Variants in MSI2 observed in about 807,000 individuals in gnomAD.
The protein encoded by MSI2 is musashi RNA binding protein 2, also known as RNA-binding protein Musashi homolog 2.
Under a neutral mutation model 45.6 loss-of-function variants are expected in MSI2, and 17 were observed. The ratio of observed to expected loss-of-function variants is 0.37; its 90% confidence interval spans 0.26 to 0.56. The LOEUF (loss-of-function observed/expected upper bound fraction) is 0.56, where lower values mean the gene tolerates loss of function less well. MSI2 is among the 20% of genes least tolerant of loss of function. The probability of loss-of-function intolerance (pLI) is 0.77; values close to 1 mark genes in which losing one functional copy is unlikely to be tolerated. For synonymous variants in MSI2, 156 were observed against 158.2 expected (o/e 0.99, Z 0.11); for missense variants, 293 against 444.2 (o/e 0.66, Z 3.06).
chr17:57,489,735 T>C (rs1289726531), intron 6 of MSI2, among the ~76,000 whole-genome samples: 1 of 152,196 alleles, frequency 6.6e-6, no homozygotes, highest in Non-Finnish European at 1.5e-5. Flanking sequence ...ATTAGCCCAC[T>C]GTGTGCTGGG....
chr17:57,326,206 T>A (rs1232767245), intron 5 of MSI2, among the ~76,000 whole-genome samples: 1 of 146,860 alleles, frequency 6.8e-6, no homozygotes, highest in East Asian at 2.0e-4. Flanking sequence ...AAAGCCAAAC[T>A]TTTTTTTTTT....
At chr17:57,444,803 CG>C in intron 6 of MSI2, 2 of 152,292 alleles carry the variant, frequency 1.3e-5, no homozygotes, top group Non-Finnish European at 2.9e-5. Flanking sequence ...CCGGGGTTGG[CG>C]GGGGGTGGGG....
chr17:57,492,533 G>A (rs773160752), intron 6 of MSI2, among the ~76,000 whole-genome samples: 1 of 152,168 alleles, frequency 6.6e-6, no homozygotes, highest in African/African-American at 2.4e-5. Context: ...GAGTACATGG[G>A]GCCTCTTTCC....
intron 5 of MSI2, chr17:57,264,697 G>A (rs1290248609): frequency 1.3e-5 from 2 of 152,248 alleles, no homozygotes; most frequent in South Asian, 2.1e-4. Context: ...TGTAAATGAG[G>A]AAACGGAGGC....
At chr17:57,679,081 G>A (rs1913437625) in intron 13 of MSI2, among the ~76,000 whole-genome samples, 1 of 152,138 alleles carries the variant, frequency 6.6e-6, no homozygotes, top group Non-Finnish European at 1.5e-5. Flanking sequence ...GTGTAAGTTT[G>A]CATTTAAAAG....
intron 5 of MSI2, among the ~76,000 whole-genome samples, chr17:57,381,685 T>C (rs1029805590): frequency 1.3e-5 from 2 of 152,238 alleles, no homozygotes; most frequent in Non-Finnish European, 2.9e-5. Context: ...GACCATGAAC[T>C]GAATTGCTAA....
At chr17:57,502,186 C>T (rs1598340271) in intron 6 of MSI2, among the ~76,000 whole-genome samples, 1 of 152,144 alleles carries the variant, frequency 6.6e-6, no homozygotes, top group Non-Finnish European at 1.5e-5. Flanking sequence ...CTAAGAATCA[C>T]GTTAACATTT....
In MSI2 at chr17:57,596,688, G is replaced by A. The variant is rs1598433722; in HGVS notation, c.455-180G>A. Among the ~76,000 whole-genome samples the A allele has an allele frequency of 6.6e-6, 1 of 152,188 alleles. No homozygotes were observed. Among genetic ancestry groups the A allele is most frequent in the Non-Finnish European group, 1.5e-5 (1 of 68,034 alleles). On this transcript the variant is annotated intron_variant, in intron 7 of 13. Coordinates refer to ENST00000284073, the MANE Select transcript of MSI2 (RefSeq NM_138962.4). The surrounding 1 kb of genome is among the most constrained non-coding windows in gnomAD (Gnocchi z 4.6). ...ATTAACTTTTCCTCGCTGTCGGAAG[G>A]GTGCTCAGTACAAATTAGAAATCAT...
the MSI2 span, among the ~76,000 whole-genome samples, chr17:57,698,923 GTGT>G: frequency 6.6e-6 from 1 of 150,592 alleles, no homozygotes; most frequent in Admixed American, 6.6e-5. Context: ...GTGTGTGTGT[GTGT>G]GTGTGTGTGT....
At chr17:57,653,328 T>A (rs1309011204) in intron 11 of MSI2, among the ~76,000 whole-genome samples, 1 of 151,856 alleles carries the variant, frequency 6.6e-6, no homozygotes, top group Admixed American at 6.6e-5. Context: ...GGCTAGGGAG[T>A]TCTCAGGGGT....
intron 7 of MSI2, among the ~76,000 whole-genome samples, chr17:57,586,725 C>A (rs376418522): frequency 6.6e-6 from 1 of 151,942 alleles, no homozygotes; most frequent in African/African-American, 2.4e-5. Context: ...TTAAAGACAG[C>A]GTTATTGAGG....
intron 6 of MSI2, among the ~76,000 whole-genome samples, chr17:57,496,962 G>A (rs1944432487): frequency 6.6e-6 from 1 of 152,148 alleles, no homozygotes; most frequent in African/African-American, 2.4e-5. Context: ...AATGGCCAAA[G>A]TGTTTCTATT....
At chr17:57,272,357 GGCCAACATCACAGA>G (rs1908451178) in intron 5 of MSI2, among the ~76,000 whole-genome samples, 1 of 152,152 alleles carries the variant, frequency 6.6e-6, no homozygotes. Context: ...CGGCGTGTCA[GGCCAACATCACAGA>G]GCTGGGCACT....
At chr17:57,550,628 C>A (rs1177164451) in intron 7 of MSI2, among the ~76,000 whole-genome samples, 1 of 152,140 alleles carries the variant, frequency 6.6e-6, no homozygotes, top group Non-Finnish European at 1.5e-5. Flanking sequence ...AGCAAAAATC[C>A]AAACGAGCTC....
intron 5 of MSI2, among the ~76,000 whole-genome samples, chr17:57,361,938 C>T (rs1268037669): frequency 6.6e-6 from 1 of 152,148 alleles, no homozygotes; most frequent in Non-Finnish European, 1.5e-5. Context: ...AAATGGAATT[C>T]CATTTTCTTA....
Position 57,596,766 on chromosome 17 carries a change from G to A in MSI2, c.455-102G>A. On this transcript the variant is annotated intron_variant, in intron 7 of 13. Transcript: ENST00000284073. The surrounding 1 kb of genome is among the most constrained non-coding windows in gnomAD (Gnocchi z 4.6). ...GATCCGCCTACCTACCCCCAGACCA[G>A]GAGGCTGTCAAGACCTCAGGACGTC... 2.6e-6 allele frequency: 2 copies of A among 769,100 alleles called. No individual in the cohort carries two copies. Among genetic ancestry groups the A allele is most frequent in the Non-Finnish European group, 4.6e-6 (2 of 434,888 alleles). The allele number at this position is 769,100 out of a possible 1,614,324, so 47.6% of individuals were successfully genotyped here. A position where few individuals can be genotyped will look rare whatever the true frequency, so the allele number is the denominator to read the frequency against.
chr17:57,700,398 A>T, the MSI2 span, among the ~76,000 whole-genome samples: 1 of 152,228 alleles, frequency 6.6e-6, no homozygotes, highest in Non-Finnish European at 1.5e-5. Flanking sequence ...AATCAGAGTC[A>T]TGGTCATGAA....
At chr17:57,458,808 G>T (rs1463010043) in intron 6 of MSI2, among the ~76,000 whole-genome samples, 1 of 152,220 alleles carries the variant, frequency 6.6e-6, no homozygotes, top group Non-Finnish European at 1.5e-5. Flanking sequence ...ACACAGGCTT[G>T]GTTCACAGGT....
chr17:57,697,922 C>T, the MSI2 span, among the ~76,000 whole-genome samples: 2 of 152,084 alleles, frequency 1.3e-5, no homozygotes, highest in African/African-American at 4.8e-5. Context: ...CACTCGGGCA[C>T]CTGCACCCCT....
Sources: allele counts gnomAD v4.1 joint callset (sites outside exome capture counted in the v4.1 genomes callset), GRCh38; gene constraint gnomAD v4.1.1; non-coding constraint Gnocchi (gnomAD v3.1); transcripts MANE v1.5; gene names NCBI Gene and HGNC (gene_info 2026-07-23, HGNC 2026-07-21).